ASXL2: variants seen among roughly 807,000 people sequenced by gnomAD.
The protein encoded by ASXL2 is putative Polycomb group protein ASXL2.
Under a neutral mutation model 122.0 loss-of-function variants are expected in ASXL2, and 23 were observed. That is an observed-to-expected ratio of 0.19 (90% confidence interval 0.14 to 0.27). The LOEUF is 0.27. ASXL2 is among the 10% of genes least tolerant of loss of function. ASXL2 has a pLI of 1.00. For synonymous variants in ASXL2, 650 were observed against 637.0 expected (o/e 1.02, Z -0.31); for missense variants, 1,518 against 1,713.8 (o/e 0.89, Z 2.02).
At chr2:25,866,273 G>A (rs1481331533) in intron 1 of ASXL2, among the ~76,000 whole-genome samples, 1 of 151,990 alleles carries the variant, frequency 6.6e-6, no homozygotes, top group Non-Finnish European at 1.5e-5. Context: ...TGGGACTACG[G>A]GTGCATGCCA....
intron 1 of ASXL2, among the ~76,000 whole-genome samples, chr2:25,846,633 G>A (rs542207082): frequency 8.9e-4 from 134 of 151,024 alleles, no homozygotes; most frequent in Non-Finnish European, 1.4e-3. Flanking sequence ...GGGCAACAGA[G>A]CGAGACTCCA....
At chr2:25,809,146 C>A (rs147000795) in intron 3 of ASXL2, among the ~76,000 whole-genome samples, 3 of 152,050 alleles carry the variant, frequency 2.0e-5, no homozygotes, top group Admixed American at 6.6e-5. Flanking sequence ...AGTGGCAAAA[C>A]ATAATCTTTC....
intron 6 of ASXL2, among the ~76,000 whole-genome samples, chr2:25,769,225 G>A (rs987366978): frequency 2.6e-5 from 4 of 152,112 alleles, no homozygotes; most frequent in Admixed American, 6.5e-5. Context: ...TCCCAGTCTT[G>A]TAAAGCAGAG....
intron 3 of ASXL2, among the ~76,000 whole-genome samples, chr2:25,816,259 AT>A (rs2089233034): frequency 6.6e-6 from 1 of 152,004 alleles, no homozygotes; most frequent in Non-Finnish European, 1.5e-5. Flanking sequence ...AAAAGTTAAT[AT>A]TTTCCTAAAT....
chr2:25,832,953 C>T (rs955426597), intron 3 of ASXL2, among the ~76,000 whole-genome samples: 2 of 152,042 alleles, frequency 1.3e-5, no homozygotes, highest in African/African-American at 4.8e-5. Flanking sequence ...TGGTTACATA[C>T]TCTATGATTC....
chr2:25,772,034 G>T (rs2088464792), intron 5 of ASXL2, among the ~76,000 whole-genome samples: 1 of 152,164 alleles, frequency 6.6e-6, no homozygotes, highest in African/African-American at 2.4e-5. Context: ...ACCAACGTGA[G>T]AGGGCATTTT....
intron 1 of ASXL2, among the ~76,000 whole-genome samples, chr2:25,857,826 C>T (rs567819679): frequency 1.3e-5 from 2 of 152,290 alleles, no homozygotes; most frequent in East Asian, 3.9e-4. Context: ...CCCCTACCTA[C>T]AAATCTGTTA....
rs2087833545 is a variant in ASXL2, at chr2:25,741,914, C to CAGTGAAGTAACTGATTAAGTAACTTCAG, written c.*114_*115insCTGAAGTTACTTAATCAGTTACTTCACT. On this transcript the variant is annotated 3_prime_UTR_variant, in exon 13 of 13. Transcript: ENST00000435504. Reference sequence around the variant, plus strand: ...ATTCCTGATTAAGTAACATTTGTCTCTGAAGACAACTGAAACCTACTTGTT... The same window carrying CAGTGAAGTAACTGATTAAGTAACTTCAG: ...ATTCCTGATTAAGTAACATTTGTCTCAGTGAAGTAACTGATTAAGTAACTTCAGTGAAGACAACTGAAACCTACTTGTT... 1 of 1,012,384 alleles carries CAGTGAAGTAACTGATTAAGTAACTTCAG rather than the reference C, an allele frequency of 9.9e-7. No homozygotes were observed. Among genetic ancestry groups the CAGTGAAGTAACTGATTAAGTAACTTCAG allele is most frequent in the African/African-American group, 1.6e-5 (1 of 61,950 alleles). 62.7% of individuals were successfully genotyped at this position (1,012,384 alleles called of 1,614,324 possible). A position where few individuals can be genotyped will look rare whatever the true frequency, so the allele number is the denominator to read the frequency against.
intron 5 of ASXL2, among the ~76,000 whole-genome samples, chr2:25,779,328 T>C (rs1256914126): frequency 6.6e-6 from 1 of 151,916 alleles, no homozygotes; most frequent in African/African-American, 2.4e-5. Context: ...GAACTCCAGA[T>C]CTCAAGTAAT....
intron 8 of ASXL2, among the ~76,000 whole-genome samples, chr2:25,764,079 G>A (rs765603116): frequency 1.6e-4 from 24 of 152,266 alleles, no homozygotes; most frequent in Non-Finnish European, 2.9e-4. Context: ...CAGTGTCTAA[G>A]AGGTAAATGT....
Position 25,878,402 on chromosome 2 carries a change from G to A in ASXL2, c.-180C>T. On this transcript the variant is annotated 5_prime_UTR_variant, in exon 1 of 13. Coordinates refer to ENST00000435504, the MANE Select transcript of ASXL2 (RefSeq NM_018263.6). ...GGTGGTGCGCGGGGGGGTCTATGGGGCGGCCGGTCCTCTTGCTGCCGTTGC... is the reference window on the plus strand; with the variant it reads ...GGTGGTGCGCGGGGGGGTCTATGGGACGGCCGGTCCTCTTGCTGCCGTTGC... The A allele has an allele frequency of 3.3e-6, 2 of 612,488 alleles. No individual in the cohort carries two copies. Among genetic ancestry groups the A allele is most frequent in the Non-Finnish European group, 5.7e-6 (2 of 348,192 alleles). 37.9% of individuals were successfully genotyped at this position (612,488 alleles called of 1,614,324 possible). A position where few individuals can be genotyped will look rare whatever the true frequency, so the allele number is the denominator to read the frequency against.
intron 5 of ASXL2, among the ~76,000 whole-genome samples, chr2:25,783,428 A>G (rs1231011000): frequency 1.3e-5 from 2 of 151,858 alleles, no homozygotes; most frequent in African/African-American, 4.8e-5. Context: ...GAGGTTAACA[A>G]AGTTTGTCTA....
chr2:25,844,576 A>C (rs78936368), intron 2 of ASXL2, among the ~76,000 whole-genome samples: 1 of 146,744 alleles, frequency 6.8e-6, no homozygotes, highest in South Asian at 2.2e-4. Flanking sequence ...ACTCCGTCTC[A>C]AAAAAAAAAA....
At chr2:25,821,438 T>C (rs776709951) in intron 3 of ASXL2, among the ~76,000 whole-genome samples, 1 of 150,814 alleles carries the variant, frequency 6.6e-6, no homozygotes, top group Non-Finnish European at 1.5e-5. Flanking sequence ...GTTTATGGCA[T>C]GTAAACTACA....
rs2089081027 is a variant in ASXL2, at chr2:25,806,232, C to T, written c.249G>A (p.Leu83=). The change falls in exon 4 of 13, where the codon TTG becomes TTA. Residue 83 remains leucine (L), a synonymous_variant. Transcript: ENST00000435504. ...GACTCCCCAACAAAATATTTACCTTCAAAGTATATACTCCCATTCTACCTG... is the reference window on the plus strand; with the variant it reads ...GACTCCCCAACAAAATATTTACCTTTAAAGTATATACTCCCATTCTACCTG... ...KVPGRMGVYT[L]KKDVPDGVKE... 1 of 1,599,402 alleles carries T rather than the reference C, an allele frequency of 6.3e-7. No individual in the cohort carries two copies. Among genetic ancestry groups the T allele is most frequent in the Admixed American group, 1.7e-5 (1 of 59,202 alleles).
At chr2:25,752,390 T>C (rs1001037611) in intron 11 of ASXL2, among the ~76,000 whole-genome samples, 3 of 152,212 alleles carry the variant, frequency 2.0e-5, no homozygotes, top group Admixed American at 6.5e-5. Flanking sequence ...AGAATTTATA[T>C]CTTGATTCAG....
intron 5 of ASXL2, among the ~76,000 whole-genome samples, chr2:25,779,225 T>C: frequency 6.6e-6 from 1 of 151,380 alleles, no homozygotes; most frequent in East Asian, 1.9e-4. Context: ...GCCTCCCGAG[T>C]ATCTGGGATT....
chr2:25,843,266 C>T (rs2089608904), intron 2 of ASXL2, among the ~76,000 whole-genome samples: 1 of 147,310 alleles, frequency 6.8e-6, no homozygotes, highest in African/African-American at 2.5e-5. Flanking sequence ...GGAACCGCTG[C>T]ACTCCAGCCT....
At chr2:25,746,506 GA>G (rs11312322) in intron 12 of ASXL2, among the ~76,000 whole-genome samples, 92,891 of 136,020 alleles carry the variant, frequency 0.68, 32,019 homozygotes, top group Non-Finnish European at 0.8. Flanking sequence ...GGGAAAAAAT[GA>G]AAAAAAAAAA....
Sources: allele counts gnomAD v4.1 joint callset (sites outside exome capture counted in the v4.1 genomes callset), GRCh38; gene constraint gnomAD v4.1.1; transcripts MANE v1.5; gene names NCBI Gene and HGNC (gene_info 2026-07-23, HGNC 2026-07-21).